The following CNTN5 variants were observed in gnomAD, a reference collection of about 807,000 sequenced individuals.
The protein encoded by CNTN5 is contactin 5, also known as contactin-5.
CNTN5 carries 77 observed loss-of-function variants against 129.1 expected under a neutral mutation model. The ratio of observed to expected loss-of-function variants is 0.60; its 90% CI spans 0.50 to 0.72. The LOEUF is 0.72. Among genes scored for constraint, CNTN5 ranks in the 30% least tolerant of loss-of-function variants. The pLI is 0.00. For missense variants in CNTN5, 1,478 were observed against 1,328.8 expected, an observed-to-expected ratio of 1.11 and a Z score of -1.75; for synonymous variants, 509 against 465.6, an observed-to-expected ratio of 1.09 and a Z score of -1.20.
At chr11:100,098,536 C>G (rs1192550965) in intron 13 of CNTN5, among the ~76,000 whole-genome samples, 2 of 152,050 alleles carry the variant, frequency 1.3e-5, no homozygotes, top group African/African-American at 2.4e-5. Context: ...ATTGTCCTTA[C>G]AGCTGTCCTT....
At chr11:99,192,411 TC>T (rs1272307417) in intron 1 of CNTN5, among the ~76,000 whole-genome samples, 5 of 151,866 alleles carry the variant, frequency 3.3e-5, no homozygotes, top group Non-Finnish European at 5.9e-5. Context: ...TTTTCTTTTT[TC>T]CTATGTTTTT....
chr11:99,425,300 C>T lies in CNTN5; in HGVS notation c.-71+99816C>T, dbSNP rs1476783703. Among the ~76,000 whole-genome samples the T allele has an allele frequency of 2.0e-5, 3 of 152,226 alleles. No individual in the cohort carries two copies. In the East Asian group the frequency reaches 5.8e-4, roughly 29 times the overall value. On this transcript the variant is annotated intron_variant, in intron 2 of 24. Coordinates refer to ENST00000524871, the MANE Select transcript of CNTN5 (RefSeq NM_014361.4). ...CAGAACTGGCAGCCCGGCCCTCAGG[C>T]TTCAGGCTGTTTTTGTTTTGGAGGT...
intron 3 of CNTN5, among the ~76,000 whole-genome samples, chr11:99,569,865 A>C (rs1388896476): frequency 6.6e-6 from 1 of 152,188 alleles, no homozygotes; most frequent in African/African-American, 2.4e-5. Context: ...TATTTTTAAT[A>C]TAAGAAATAA....
intron 2 of CNTN5, among the ~76,000 whole-genome samples, chr11:99,460,108 C>T (rs1486601942): frequency 4.6e-5 from 7 of 151,726 alleles, no homozygotes; most frequent in East Asian, 1.9e-4. Context: ...AGATGGAATG[C>T]GGGTGTCTTC....
chr11:99,991,592 C>A (rs12805949), intron 8 of CNTN5, among the ~76,000 whole-genome samples: 1 of 152,194 alleles, frequency 6.6e-6, no homozygotes, highest in Non-Finnish European at 1.5e-5. Context: ...TGGCAAGATG[C>A]TAAATCCCAG....
At chr11:99,051,565 C>T (rs1452940134) in intron 1 of CNTN5, among the ~76,000 whole-genome samples, 1 of 151,878 alleles carries the variant, frequency 6.6e-6, no homozygotes, top group African/African-American at 2.4e-5. Context: ...TTTACTTCAA[C>T]AGTCAACAGC....
At chr11:100,278,403 G>T (rs968025673) in intron 18 of CNTN5, among the ~76,000 whole-genome samples, 7 of 152,032 alleles carry the variant, frequency 4.6e-5, no homozygotes, top group Non-Finnish European at 8.8e-5. Flanking sequence ...GCTTTGGATA[G>T]TATGGACATT....
At chr11:99,276,341 C>T (rs1045253692) in intron 1 of CNTN5, among the ~76,000 whole-genome samples, 8 of 151,600 alleles carry the variant, frequency 5.3e-5, no homozygotes, top group African/African-American at 1.9e-4. Context: ...GGTAACAAAA[C>T]ATATTTATGT....
chr11:99,786,914 AAAGTT>A (rs1945546848), intron 3 of CNTN5, among the ~76,000 whole-genome samples: 1 of 152,158 alleles, frequency 6.6e-6, no homozygotes, highest in Admixed American at 6.6e-5. Context: ...GAATGCCAAA[AAAGTT>A]AAGAGAATCG....
rs565524812 is a variant in CNTN5 at position 100,350,876 on chromosome 11, T to C, written c.3199+6T>C. The C allele has an allele frequency of 4.5e-6, 7 of 1,538,512 alleles. No individual in the cohort carries two copies. In the African/African-American group the frequency reaches 8.3e-5, roughly 18 times the overall value. ...TAGGGTACCATCATATTCAGGTAAGTTTTGACACAGTAGATTTAATTTGCT... is the reference window on the plus strand; with the variant it reads ...TAGGGTACCATCATATTCAGGTAAGCTTTGACACAGTAGATTTAATTTGCT... On this transcript the variant is annotated splice_donor_region_variant and intron_variant, in intron 24 of 24. Transcript: ENST00000524871.
At chr11:99,643,287 G>T (rs932766787) in intron 3 of CNTN5, among the ~76,000 whole-genome samples, 1 of 152,052 alleles carries the variant, frequency 6.6e-6, no homozygotes, top group Non-Finnish European at 1.5e-5. Context: ...ACGAATATTT[G>T]ATTCTTTATA....
At chr11:99,477,339 A>G (rs1247670228) in intron 2 of CNTN5, among the ~76,000 whole-genome samples, 2 of 151,948 alleles carry the variant, frequency 1.3e-5, no homozygotes, top group Non-Finnish European at 2.9e-5. Flanking sequence ...TTGTTTTTGT[A>G]GGGATCTTGT....
At chr11:100,298,018 A>C (rs975288881) in intron 19 of CNTN5, among the ~76,000 whole-genome samples, 4 of 151,528 alleles carry the variant, frequency 2.6e-5, no homozygotes, top group Non-Finnish European at 5.9e-5. Context: ...ATATGCCTCC[A>C]AAGTATCATT....
In CNTN5 at chr11:100,070,568, T is replaced by A. The variant is rs772941727; in HGVS notation, c.1299+8T>A. The A allele has an allele frequency of 8.1e-6, 13 of 1,612,392 alleles. No homozygotes were observed. In the Admixed American group the frequency reaches 1.7e-4, roughly 21 times the overall value. On this transcript the variant is annotated splice_region_variant and intron_variant, in intron 11 of 24. Transcript: ENST00000524871. ...GTACCCCTCTCACCTCAGGTACTGT[T>A]GGGAGTTATTAACCTGTTCTGCTGT...
At chr11:99,621,772 G>C (rs593233) in intron 3 of CNTN5, among the ~76,000 whole-genome samples, 20 of 152,292 alleles carry the variant, frequency 1.3e-4, no homozygotes, top group Middle Eastern at 3.4e-3. Flanking sequence ...AAAAGTTGAT[G>C]AGCACACATG....
chr11:99,548,912 A>G (rs1468286277), intron 2 of CNTN5, among the ~76,000 whole-genome samples: 1 of 152,134 alleles, frequency 6.6e-6, no homozygotes, highest in Non-Finnish European at 1.5e-5. Context: ...GCAATTATCT[A>G]TCTTTTCACA....
chr11:99,841,849 CACAT>C (rs1206976118), intron 4 of CNTN5, among the ~76,000 whole-genome samples: 3 of 142,532 alleles, frequency 2.1e-5, no homozygotes, highest in African/African-American at 5.1e-5. Flanking sequence ...CACACACACA[CACAT>C]ATATATACAC....
chr11:99,748,160 T>C (rs1185716956), intron 3 of CNTN5, among the ~76,000 whole-genome samples: 1 of 152,166 alleles, frequency 6.6e-6, no homozygotes, highest in Non-Finnish European at 1.5e-5. Flanking sequence ...AGGGATATAT[T>C]GCCCTATGCT....
chr11:99,331,246 A>G (rs1393944686), intron 2 of CNTN5, among the ~76,000 whole-genome samples: 40 of 152,250 alleles, frequency 2.6e-4, no homozygotes, highest in Non-Finnish European at 5.0e-4. Context: ...CTTGATATAC[A>G]AGTGATGTGA....
Sources: gnomAD v4.1 joint callset for allele counts (sites outside exome capture counted in the v4.1 genomes callset) on GRCh38, gnomAD v4.1.1 for gene constraint, MANE v1.5 for transcripts, NCBI Gene and HGNC (gene_info 2026-07-23, HGNC 2026-07-21) for gene names.